SLC10A1: variants seen among roughly 807,000 people sequenced by gnomAD.
The protein encoded by SLC10A1 is solute carrier family 10 member 1, also known as hepatic sodium/bile acid cotransporter.
In SLC10A1, 36 loss-of-function variants were observed where a neutral mutation model predicts 20.5. The observed-to-expected ratio is 1.75, with a 90% CI of 1.34 to 2.32. The LOEUF (loss-of-function observed/expected upper bound fraction) is 2.32. Ranked by LOEUF, SLC10A1 falls within the 30% of genes most tolerant of loss-of-function variation. The pLI is 0.00. For missense variants in SLC10A1, 545 were observed against 439.1 expected (o/e 1.24, Z -2.16); for synonymous variants, 188 against 163.6 (o/e 1.15, Z -1.14).
At chr14:69,783,552 A>C (rs1883645809) in intron 2 of SLC10A1, among the ~76,000 whole-genome samples, 1 of 152,162 alleles carries the variant, frequency 6.6e-6, no homozygotes, top group African/African-American at 2.4e-5. Context: ...GGTGAAGAGA[A>C]GGGCACGTGC....
chr14:69,780,307 G>A (rs1883560776), intron 2 of SLC10A1, among the ~76,000 whole-genome samples: 2 of 152,232 alleles, frequency 1.3e-5, no homozygotes, highest in African/African-American at 4.8e-5. Flanking sequence ...GCATTTTAGA[G>A]AATTGCGTCC....
Position 69,786,188 on chromosome 14 carries a change from A to G in SLC10A1, c.476T>C (p.Ile159Thr). ...DLKDKVPYKG[I>T]VISLVLVLIP... is the part of the protein sequence containing the mutation. ...GAGAACCAGGACCAGTGATATCACG[A>G]TGCCTTTATAGGGCACCTTGTCCTT... Residue 159 changes from isoleucine to threonine, a missense_variant, in exon 2 of 5, where the codon ATC becomes ACC. Coordinates refer to ENST00000216540, the MANE Select transcript of SLC10A1 (RefSeq NM_003049.4). 1.9e-6 allele frequency: 3 copies of G among 1,614,092 alleles called. No individual in the cohort carries two copies. Among genetic ancestry groups the G allele is most frequent in the Non-Finnish European group, 2.5e-6 (3 of 1,180,004 alleles).
chr14:69,776,284 A>G lies in SLC10A1; in HGVS notation c.1048T>C (p.Ter350GlnextTer66). Residue 350 changes from the stop codon to glutamine, a stop_lost, in exon 5 of 5, where the codon TAG (stop) becomes CAG (glutamine). Coordinates refer to ENST00000216540, the MANE Select transcript of SLC10A1 (RefSeq NM_003049.4). ...KGEDCSPCTA[*>Q] Reference sequence around the variant, plus strand: ...AATCCAGGCCACCAGGGGAAGGGCTAGGCTGTGCAAGGGGAGCAGTCCTCC... The same window carrying G: ...AATCCAGGCCACCAGGGGAAGGGCTGGGCTGTGCAAGGGGAGCAGTCCTCC... 6.2e-7 allele frequency: 1 copy of G among 1,611,820 alleles called. No homozygotes were observed. The highest frequency in any genetic ancestry group is 8.5e-7 in the Non-Finnish European group (1 of 1,178,914).
chr14:69,790,304 TA>T (rs1566638233), intron 1 of SLC10A1, among the ~76,000 whole-genome samples: 1 of 152,158 alleles, frequency 6.6e-6, no homozygotes. Flanking sequence ...TCTGTCCAGA[TA>T]ATATAAAAAG....
At chr14:69,784,263 CAG>C (rs1322868416) in intron 2 of SLC10A1, among the ~76,000 whole-genome samples, 1 of 152,156 alleles carries the variant, frequency 6.6e-6, no homozygotes, top group African/African-American at 2.4e-5. Flanking sequence ...CTAAAGCTGA[CAG>C]AGAAGGCTTT....
intron 2 of SLC10A1, among the ~76,000 whole-genome samples, chr14:69,784,011 G>A (rs1309020833): frequency 6.6e-6 from 1 of 152,188 alleles, no homozygotes; most frequent in Non-Finnish European, 1.5e-5. Flanking sequence ...GAAAGACCTG[G>A]TAGATAATAA....
intron 3 of SLC10A1, among the ~76,000 whole-genome samples, chr14:69,778,765 A>T (rs999211092): frequency 1.3e-5 from 2 of 152,174 alleles, no homozygotes; most frequent in Non-Finnish European, 2.9e-5. Context: ...GCATCTGAAC[A>T]TATTGCCAGG....
At chr14:69,782,803 G>A (rs1883624960) in intron 2 of SLC10A1, among the ~76,000 whole-genome samples, 1 of 133,392 alleles carries the variant, frequency 7.5e-6, no homozygotes, top group East Asian at 2.1e-4. Flanking sequence ...GTGAGACTCC[G>A]TCTCGAAAAA....
intron 2 of SLC10A1, among the ~76,000 whole-genome samples, chr14:69,780,451 A>C (rs61982105): frequency 0.13 from 19,294 of 152,254 alleles, 1,680 homozygotes; most frequent in Admixed American, 0.2. Context: ...TTTTTGGTTC[A>C]TTCACATGTG....
Position 69,776,348 on chromosome 14 carries a change from T to C in SLC10A1, c.984A>G (p.Glu328=). Reference sequence around the variant, plus strand: ...CATTTCCCAGAGCTCCTGGAATTGTTTCTTCAGTTGTGGCAGCTGTGTAGA... The same window carrying C: ...CATTTCCCAGAGCTCCTGGAATTGTCTCTTCAGTTGTGGCAGCTGTGTAGA... ...KMIYTAATTE[E]TIPGALGNGT... is the part of the protein sequence containing the mutation. The change falls in exon 5 of 5, where the codon GAA becomes GAG. Residue 328 remains glutamate (E), a synonymous_variant. Transcript: ENST00000216540. 1.9e-6 allele frequency: 3 copies of C among 1,614,032 alleles called. No individual in the cohort carries two copies. The highest frequency in any genetic ancestry group is 2.5e-6 in the Non-Finnish European group (3 of 1,180,026).
intron 1 of SLC10A1, among the ~76,000 whole-genome samples, chr14:69,791,595 C>T (rs1391781417): frequency 6.6e-6 from 1 of 152,162 alleles, no homozygotes; most frequent in Non-Finnish European, 1.5e-5. Context: ...CCACTGTGCC[C>T]GGCCCATGAT....
At chr14:69,777,724 C>G (rs76593945) in intron 4 of SLC10A1, among the ~76,000 whole-genome samples, 87 of 151,476 alleles carry the variant, frequency 5.7e-4, no homozygotes, top group Non-Finnish European at 1.1e-3. Context: ...GCTATGTTAA[C>G]CCCATAGTGA....
rs200566658 is a variant in SLC10A1 at position 69,786,309 on chromosome 14, T to A, written c.357-2A>T. 41 of 1,613,428 alleles carry A rather than the reference T, an allele frequency of 2.5e-5. No homozygotes were observed. The Admixed American group carries it at 2.8e-4, about 11-fold the overall frequency. On this transcript the variant is annotated splice_acceptor_variant, in intron 1 of 4. Transcript: ENST00000216540. LOFTEE classifies it high-confidence loss of function. Reference sequence around the variant, plus strand: ...GTGGAGCAGGTGGTCATCACAATGCTGGTGGGAGACATGGGAAGAGGGGAG... The same window carrying A: ...GTGGAGCAGGTGGTCATCACAATGCAGGTGGGAGACATGGGAAGAGGGGAG...
rs190840997 is a variant in SLC10A1, at chr14:69,780,078, C to T, written c.568-718G>A. ...TACGGTTTTAAACCCAAAATGATGTCTAATAATAAGGGGACAAACCTACTT... is the reference window on the plus strand; with the variant it reads ...TACGGTTTTAAACCCAAAATGATGTTTAATAATAAGGGGACAAACCTACTT... On this transcript the variant is annotated intron_variant, in intron 2 of 4. Coordinates refer to ENST00000216540, the MANE Select transcript of SLC10A1 (RefSeq NM_003049.4). 7.8e-4 allele frequency among the ~76,000 whole-genome samples: 118 copies of T among 152,250 alleles called. 1 individual carries two copies. The highest frequency in any genetic ancestry group is 2.7e-3 in the African/African-American group (111 of 41,544).
chr14:69,778,505 C>A lies in SLC10A1; in HGVS notation c.771G>T (p.Glu257Asp), dbSNP rs1478868767. 6.2e-7 allele frequency: 1 copy of A among 1,610,676 alleles called. No homozygotes were observed. Among genetic ancestry groups the A allele is most frequent in the Admixed American group, 1.7e-5 (1 of 59,696 alleles). Residue 257 changes from glutamate (E) to aspartate (D), a missense_variant, in exon 4 of 5, where the codon GAG becomes GAT. Physicochemically the swap from Glu to Asp is conservative, Grantham distance 45. Coordinates refer to ENST00000216540, the MANE Select transcript of SLC10A1 (RefSeq NM_003049.4). ...AGAGTTGGACATTTTGGCATCCAGT[C>A]TCCATGCTGACAGTGCGTCTGCACC... ...NGRCRRTVSM[E>D]TGCQNVQLCS... is the part of the protein sequence containing the mutation.
Position 69,779,331 on chromosome 14 carries a change from A to G in SLC10A1, c.597T>C (p.Ser199=), listed in dbSNP as rs140729742. The G allele has an allele frequency of 1.2e-6, 2 of 1,613,932 alleles. No homozygotes were observed. Among genetic ancestry groups the G allele is most frequent in the Non-Finnish European group, 1.7e-6 (2 of 1,179,906 alleles). ...TGGCAGAGAGAACTGTGACGGCCAC[A>G]CTGCACAAGAGAATGATGATCATCC... ...KGGMIIILLC[S]VAVTVLSAIN... The change falls in exon 3 of 5, where the codon AGT becomes AGC. Residue 199 remains serine (S), a synonymous_variant. Transcript: ENST00000216540.
rs182138695 is a variant in SLC10A1 at position 69,776,121 on chromosome 14, C to T, written c.*161G>A. On this transcript the variant is annotated 3_prime_UTR_variant, in exon 5 of 5. Coordinates refer to ENST00000216540, the MANE Select transcript of SLC10A1 (RefSeq NM_003049.4). Reference sequence around the variant, plus strand: ...TAGGTGAGGCTTCTTGGGTAGACACCCTGTCTGTGTTCCCGGCCAAGACTT... The same window carrying T: ...TAGGTGAGGCTTCTTGGGTAGACACTCTGTCTGTGTTCCCGGCCAAGACTT... The T allele has an allele frequency of 1.3e-5, 8 of 603,408 alleles. No individual in the cohort carries two copies. The Admixed American group carries it at 2.5e-4, about 19-fold the overall frequency. The allele number at this position is 603,408 out of a possible 1,614,324, so 37.4% of individuals were successfully genotyped here. A position where few individuals can be genotyped will look rare whatever the true frequency, so the allele number is the denominator to read the frequency against.
chr14:69,787,654 CAAAG>C (rs573864611), intron 1 of SLC10A1, among the ~76,000 whole-genome samples: 25 of 152,166 alleles, frequency 1.6e-4, no homozygotes, highest in African/African-American at 5.3e-4. Flanking sequence ...AAGAGTCCCT[CAAAG>C]AAAATTGTGA....
chr14:69,785,591 C>CTTTTTTTTTT (rs541758842), intron 2 of SLC10A1, among the ~76,000 whole-genome samples: 26 of 130,504 alleles, frequency 2.0e-4, no homozygotes, highest in Non-Finnish European at 2.8e-4. Flanking sequence ...TCTTTCTTTT[C>CTTTTTTTTTT]TTTTTTTTTT....
Sources: gnomAD v4.1 joint callset for allele counts (sites outside exome capture counted in the v4.1 genomes callset) on GRCh38, gnomAD v4.1.1 for gene constraint, MANE v1.5 for transcripts, NCBI Gene and HGNC (gene_info 2026-07-23, HGNC 2026-07-21) for gene names.